The following CACNA1C variants were observed in gnomAD, a reference collection of about 807,000 sequenced individuals.
The protein encoded by CACNA1C is voltage-dependent L-type calcium channel subunit alpha-1C.
A neutral mutation model predicts 229.0 loss-of-function variants in CACNA1C; 30 were observed. That is an observed-to-expected ratio of 0.13 (90% confidence interval 0.10 to 0.18). The LOEUF is 0.18. CACNA1C is among the 10% of genes least tolerant of loss of function. The pLI, the probability that CACNA1C is intolerant of heterozygous loss-of-function variation, is 1.00. For missense variants in CACNA1C, 1,658 were observed against 2,845.0 expected, an observed-to-expected ratio of 0.58 and a Z score of 9.49; for synonymous variants, 1,114 against 1,132.5, an observed-to-expected ratio of 0.98 and a Z score of 0.33.
chr12:2,102,913 C>T (rs1167119163), intron 1 of CACNA1C, among the ~76,000 whole-genome samples: 1 of 152,212 alleles, frequency 6.6e-6, no homozygotes, highest in Non-Finnish European at 1.5e-5. Context: ...AGGACATGAA[C>T]TCATCCTTTT....
At chr12:2,494,379 C>T (rs2099742539) in intron 7 of CACNA1C, among the ~76,000 whole-genome samples, 1 of 152,220 alleles carries the variant, frequency 6.6e-6, no homozygotes, top group Non-Finnish European at 1.5e-5. Flanking sequence ...ATTTATTCTT[C>T]ATAGTGTCTC....
At position 2,693,402 on chromosome 12, in the gene CACNA1C, A is replaced by G. The variant is rs1220293414; in HGVS notation, c.*2203A>G. On this transcript the variant is annotated 3_prime_UTR_variant, in exon 47 of 47. Transcript: ENST00000399655. Reference sequence around the variant, plus strand: ...GAAAGTGTACACTAACCGGGAGGATAAAATTAAAGTCAGGCTGCTTGGAGG... The same window carrying G: ...GAAAGTGTACACTAACCGGGAGGATGAAATTAAAGTCAGGCTGCTTGGAGG... The G allele has an allele frequency of 6.6e-6, 1 of 152,208 alleles. No individual in the cohort carries two copies. The highest frequency in any genetic ancestry group is 2.4e-5 in the African/African-American group (1 of 41,460). 9.4% of individuals were successfully genotyped at this position (152,208 alleles called of 1,614,324 possible).
In CACNA1C at chr12:2,669,044, G is replaced by T. The variant is rs369267978; in HGVS notation, c.4726+9G>T. The T allele has an allele frequency of 1.9e-6, 3 of 1,583,482 alleles. No individual in the cohort carries two copies. Among genetic ancestry groups the T allele is most frequent in the South Asian group, 1.1e-5 (1 of 90,502 alleles). On this transcript the variant is annotated intron_variant, in intron 38 of 46. Transcript: ENST00000399655. ...GAGGATCAAAACAGAAGGTAAGGTC[G>T]CCCGTGGGCACTGGGAGAGACACTC...
intron 3 of CACNA1C, among the ~76,000 whole-genome samples, chr12:2,401,709 G>A (rs2098681008): frequency 6.6e-6 from 1 of 152,164 alleles, no homozygotes; most frequent in Non-Finnish European, 1.5e-5. Context: ...ATAATACTTA[G>A]TTCATAGGCT....
Position 2,649,078 on chromosome 12 carries a change from T to C in CACNA1C, c.3945+571T>C, listed in dbSNP as rs894076573. On this transcript the variant is annotated intron_variant, in intron 31 of 46. Coordinates refer to ENST00000399655, the MANE Select transcript of CACNA1C (RefSeq NM_000719.7). This position sits in a 1 kb window ranked among gnomAD's most constrained non-coding sequence, Gnocchi z 4.4. The stretch of plus-strand genomic sequence containing the variant: ...GAATTTCCAGTCACTCCAACCTTGC[T>C]ATCCCTTGCATTTTTCTAAATTCCT... 6.6e-6 allele frequency among the ~76,000 whole-genome samples: 1 copy of C among 152,238 alleles called. No individual in the cohort carries two copies. Among genetic ancestry groups the C allele is most frequent in the Non-Finnish European group, 1.5e-5 (1 of 68,038 alleles).
chr12:2,501,013 T>C (rs1335561622), intron 7 of CACNA1C, among the ~76,000 whole-genome samples: 2 of 150,796 alleles, frequency 1.3e-5, no homozygotes, highest in African/African-American at 4.9e-5. Context: ...GAGACCATCC[T>C]GGCTAACACG....
At position 2,677,893 on chromosome 12, in the gene CACNA1C, G is replaced by A. The variant is rs199524237; in HGVS notation, c.5091+26G>A. ...GTGGGTGGTGCCATGGCGCACTCTC[G>A]ACCCCTATAAAGTTCAGTTTGGAGC... On this transcript the variant is annotated intron_variant, in intron 41 of 46. Transcript: ENST00000399655. The surrounding 1 kb of genome is among the most constrained non-coding windows in gnomAD (Gnocchi z 7.4). 4.8e-5 allele frequency: 77 copies of A among 1,613,030 alleles called. No individual in the cohort carries two copies. Among genetic ancestry groups the A allele is most frequent in the East Asian group, 2.7e-4 (12 of 44,848 alleles).
At position 2,633,671 on chromosome 12, in the gene CACNA1C, G is replaced by A. The variant is rs786205760; in HGVS notation, c.3829-626G>A. ...CTGGAATGTTTTTGACTTCCTCATC[G>A]TAATTGGCAGCATAATTGACGTCAT... On this transcript the variant is annotated intron_variant, in intron 29 of 46. Coordinates refer to ENST00000399655, the MANE Select transcript of CACNA1C (RefSeq NM_000719.7). This position sits in a 1 kb window ranked among gnomAD's most constrained non-coding sequence, Gnocchi z 5.8. The A allele has an allele frequency of 1.7e-5, 27 of 1,611,162 alleles. No individual in the cohort carries two copies. The highest frequency in any genetic ancestry group is 6.7e-5 in the East Asian group (3 of 44,868).
At chr12:2,179,274 A>T (rs1326556802) in intron 3 of CACNA1C, among the ~76,000 whole-genome samples, 1 of 152,198 alleles carries the variant, frequency 6.6e-6, no homozygotes, top group Non-Finnish European at 1.5e-5. Flanking sequence ...TGGAGCTGGG[A>T]GTTCAGCACA....
Position 2,655,151 on chromosome 12 carries a change from T to C in CACNA1C, c.4145T>C (p.Phe1382Ser). The C allele has an allele frequency of 6.2e-7, 1 of 1,606,586 alleles. No individual in the cohort carries two copies. Among genetic ancestry groups the C allele is most frequent in the Non-Finnish European group, 8.5e-7 (1 of 1,173,246 alleles). ...FIYAVIGMQV[F>S]GKIALNDTTE... is the part of the protein sequence containing the mutation. ...CCTCTTCCTTCTCTCTCCTAGGTGT[T>C]TGGGAAAATTGCCCTGAATGATACC... Residue 1382 changes from phenylalanine (F) to serine (S), a missense_variant, in exon 34 of 47, where the codon TTT (phenylalanine) becomes TCT (serine). Phe to Ser is a radical substitution (Grantham distance 155, BLOSUM62 -2). Transcript: ENST00000399655.
chr12:2,530,784 T>C (rs1021452860), intron 9 of CACNA1C, among the ~76,000 whole-genome samples: 4 of 152,124 alleles, frequency 2.6e-5, no homozygotes, highest in African/African-American at 9.7e-5. Flanking sequence ...TAACACGCAG[T>C]AGGAACTTTA....
intron 3 of CACNA1C, among the ~76,000 whole-genome samples, chr12:2,129,108 G>A (rs2091375315): frequency 1.3e-5 from 2 of 152,152 alleles, no homozygotes; most frequent in African/African-American, 2.4e-5. Context: ...TGGTGTTCCC[G>A]GGCTCACACC....
chr12:2,129,078 A>G (rs1259436207), intron 3 of CACNA1C, among the ~76,000 whole-genome samples: 1 of 152,144 alleles, frequency 6.6e-6, no homozygotes, highest in African/African-American at 2.4e-5. Flanking sequence ...CACTCATACC[A>G]TCACAGACAT....
rs7959488 is a variant in CACNA1C at position 2,348,828 on chromosome 12, T to G, written c.478-100148T>G. On this transcript the variant is annotated intron_variant, in intron 3 of 46. Coordinates refer to ENST00000399655, the MANE Select transcript of CACNA1C (RefSeq NM_000719.7). This position sits in a 1 kb window ranked among gnomAD's most constrained non-coding sequence, Gnocchi z 4.7. ...CTTCCCAGACACAGGGTGGGGCTGT[T>G]GGATGTTACCCGTCATGTCAGCATT... Among the ~76,000 whole-genome samples the G allele has an allele frequency of 0.083, 12,550 of 152,060 alleles. 1,456 individuals carry two copies. Among genetic ancestry groups the G allele is most frequent in the African/African-American group, 0.26 (10,723 of 41,416 alleles).
At chr12:2,582,143 A>T (rs929670178) in intron 14 of CACNA1C, among the ~76,000 whole-genome samples, 2 of 136,658 alleles carry the variant, frequency 1.5e-5, no homozygotes, top group Non-Finnish European at 3.0e-5. Context: ...GTCTCAAATA[A>T]AAAAAAAAAA....
chr12:1,991,537 T>C (rs1159019669), intron 1 of CACNA1C: 1 of 244,368 alleles, frequency 4.1e-6, no homozygotes, highest in African/African-American at 2.3e-5. Flanking sequence ...TAATTAATAA[T>C]TGAGGTTTTT....
At chr12:2,202,637 C>T (rs1455511336) in intron 3 of CACNA1C, among the ~76,000 whole-genome samples, 1 of 152,174 alleles carries the variant, frequency 6.6e-6, no homozygotes, top group Non-Finnish European at 1.5e-5. Context: ...CCTTCCTCCT[C>T]GAAGGCAGCT....
chr12:2,409,285 C>T (rs903984771), intron 3 of CACNA1C, among the ~76,000 whole-genome samples: 5 of 152,178 alleles, frequency 3.3e-5, no homozygotes, highest in African/African-American at 1.2e-4. Flanking sequence ...ATCAGCTGAT[C>T]GTCTCCTTCC....
intron 3 of CACNA1C, among the ~76,000 whole-genome samples, chr12:2,272,503 T>C (rs1601653835): frequency 6.6e-6 from 1 of 152,218 alleles, no homozygotes; most frequent in Non-Finnish European, 1.5e-5. Flanking sequence ...AGACAGCAGA[T>C]ATTCCAAAAC....
Sources: gnomAD v4.1 joint callset for allele counts (sites outside exome capture counted in the v4.1 genomes callset) on GRCh38, gnomAD v4.1.1 for gene constraint, Gnocchi (gnomAD v3.1) non-coding constraint, MANE v1.5 for transcripts, NCBI Gene and HGNC (gene_info 2026-07-23, HGNC 2026-07-21) for gene names.